The following CD164 variants were observed in gnomAD, a reference collection of about 807,000 sequenced individuals.
The protein encoded by CD164 is CD164 molecule.
Under a neutral mutation model 24.6 loss-of-function variants are expected in CD164, and 11 were observed. The observed-to-expected ratio is 0.45, with a 90% CI of 0.28 to 0.74. The LOEUF (loss-of-function observed/expected upper bound fraction) is 0.74. CD164 is among the 30% of genes least tolerant of loss of function. CD164 has a pLI of 0.13. For synonymous variants in CD164, 126 were observed against 100.3 expected, an observed-to-expected ratio of 1.26 and a Z score of -1.53; for missense variants, 295 against 243.7, an observed-to-expected ratio of 1.21 and a Z score of -1.40.
chr6:109,378,187 C>T (rs1282384696), intron 2 of CD164, among the ~76,000 whole-genome samples: 7 of 152,200 alleles, frequency 4.6e-5, no homozygotes, highest in Non-Finnish European at 1.0e-4. Flanking sequence ...ATCCTTCTAA[C>T]TTTTATCCAT....
chr6:109,378,756 C>A (rs1432703318), intron 2 of CD164, among the ~76,000 whole-genome samples: 2 of 151,910 alleles, frequency 1.3e-5, no homozygotes, highest in Admixed American at 1.3e-4. Context: ...AGAGACACTT[C>A]TATAACAAAA....
intron 1 of CD164, among the ~76,000 whole-genome samples, chr6:109,380,859 T>C (rs574616377): frequency 6.6e-6 from 1 of 152,364 alleles, no homozygotes; most frequent in South Asian, 2.1e-4. Context: ...GACAAACATA[T>C]TCTGCTCTAT....
rs1277732852 is a variant in CD164, at chr6:109,367,812, T to C, written c.*1039A>G. 1 of 152,728 alleles carries C rather than the reference T, an allele frequency of 6.5e-6. No individual in the cohort carries two copies. The highest frequency in any genetic ancestry group is 2.4e-5 in the African/African-American group (1 of 41,468). 9.5% of individuals were successfully genotyped at this position (152,728 alleles called of 1,614,324 possible). ...AATAGTAAATGATTCTAAAATAATG[T>C]ATATCCTTCTTGCCTCACCAAAGAA... is the stretch of plus-strand genomic sequence containing the variant. On this transcript the variant is annotated 3_prime_UTR_variant, in exon 6 of 6. Transcript: ENST00000310786.
chr6:109,367,120 T>A lies in CD164; in HGVS notation c.*1731A>T, dbSNP rs1770802874. The A allele has an allele frequency of 6.6e-6, 1 of 152,574 alleles. No homozygotes were observed. Among genetic ancestry groups the A allele is most frequent in the African/African-American group, 2.4e-5 (1 of 41,428 alleles). 9.5% of individuals were successfully genotyped at this position (152,574 alleles called of 1,614,324 possible). ...TTTTGTGAGGTACCTAGAATATTAC[T>A]AATGGAAACAAAAAATGTGAGGTAA... On this transcript the variant is annotated 3_prime_UTR_variant, in exon 6 of 6. Coordinates refer to ENST00000310786, the MANE Select transcript of CD164 (RefSeq NM_006016.6).
At chr6:109,373,574 T>A (rs985530453) in intron 4 of CD164, among the ~76,000 whole-genome samples, 20 of 152,204 alleles carry the variant, frequency 1.3e-4, no homozygotes, top group African/African-American at 4.8e-4. Flanking sequence ...TGGAGAAAGC[T>A]GCAGAGAACT....
chr6:109,376,061 C>T lies in CD164; in HGVS notation c.370+13G>A. On this transcript the variant is annotated intron_variant, in intron 4 of 5. Transcript: ENST00000310786. Reference sequence around the variant, plus strand: ...ACTGAAGGAAAAGGAAGAAAACAGTCATCTTGAATTACCTGTAGAATTGGC... The same window carrying T: ...ACTGAAGGAAAAGGAAGAAAACAGTTATCTTGAATTACCTGTAGAATTGGC... The T allele has an allele frequency of 6.4e-7, 1 of 1,560,390 alleles. No homozygotes were observed. The highest frequency in any genetic ancestry group is 8.6e-7 in the Non-Finnish European group (1 of 1,160,984).
intron 4 of CD164, among the ~76,000 whole-genome samples, chr6:109,375,677 T>G (rs143489787): frequency 6.7e-6 from 1 of 149,944 alleles, no homozygotes; most frequent in African/African-American, 2.5e-5. Context: ...TATCGTACAA[T>G]TTCATAAAAA....
chr6:109,377,801 G>A (rs1314478354), intron 3 of CD164, 99 bp downstream of exon 3: 1 of 799,916 alleles, frequency 1.3e-6, no homozygotes, highest in East Asian at 2.4e-5. Context: ...GAGAATTATG[G>A]CAATGCTTCA....
intron 3 of CD164, 151 bp from the exon 4 acceptor site, chr6:109,376,263 G>A (rs995686943): frequency 4.9e-5 from 26 of 528,410 alleles, no homozygotes; most frequent in South Asian, 3.0e-5. Flanking sequence ...ACTGACAGTT[G>A]CCCCCAAATA....
intron 3 of CD164, among the ~76,000 whole-genome samples, chr6:109,377,426 T>C (rs545292908): frequency 2.8e-4 from 42 of 152,218 alleles, no homozygotes; most frequent in Non-Finnish European, 4.0e-4. Flanking sequence ...GCTGGACGAA[T>C]AGTAAAGGTT....
intron 5 of CD164, among the ~76,000 whole-genome samples, chr6:109,369,545 AGTAAT>A (rs67591932): frequency 0.31 from 46,407 of 151,876 alleles, 7,200 homozygotes; most frequent in Middle Eastern, 0.42. Context: ...AGTATTATCA[AGTAAT>A]AAGGAAAAAA....
intron 4 of CD164, among the ~76,000 whole-genome samples, chr6:109,375,487 G>C (rs915913221): frequency 6.6e-6 from 1 of 151,852 alleles, no homozygotes; most frequent in Non-Finnish European, 1.5e-5. Flanking sequence ...CATGATGGCA[G>C]GTGCCTGTAA....
At chr6:109,374,596 G>C (rs565321857) in intron 4 of CD164, among the ~76,000 whole-genome samples, 30 of 152,300 alleles carry the variant, frequency 2.0e-4, no homozygotes, top group African/African-American at 7.0e-4. Context: ...ATGCAAGTCT[G>C]ATCATATGAC....
In CD164 at chr6:109,382,425, C is replaced by A. The variant is rs753447502; in HGVS notation, c.-47G>T. ...CGGGAGAAAGCTAAGGCTCGCAACGCTCAGTCAACCCCTCAATCCCCTGCG... is the reference window on the plus strand; with the variant it reads ...CGGGAGAAAGCTAAGGCTCGCAACGATCAGTCAACCCCTCAATCCCCTGCG... On this transcript the variant is annotated 5_prime_UTR_variant, in exon 1 of 6. Coordinates refer to ENST00000310786, the MANE Select transcript of CD164 (RefSeq NM_006016.6). The A allele has an allele frequency of 2.1e-6, 3 of 1,458,054 alleles. No homozygotes were observed. Among genetic ancestry groups the A allele is most frequent in the South Asian group, 1.3e-5 (1 of 75,442 alleles). 90.3% of individuals were successfully genotyped at this position (1,458,054 alleles called of 1,614,324 possible). A position where few individuals can be genotyped will look rare whatever the true frequency, so the allele number is the denominator to read the frequency against.
intron 4 of CD164, chr6:109,371,700 G>C (rs541278564): frequency 6.5e-6 from 1 of 153,838 alleles, no homozygotes; most frequent in African/African-American, 2.4e-5. Flanking sequence ...AAGTTTGCTG[G>C]AGCATTTGAG....
At chr6:109,381,995 G>T in intron 1 of CD164, 1 of 391,126 alleles carries the variant, frequency 2.6e-6, no homozygotes, top group Non-Finnish European at 4.4e-6. Context: ...TGGGAACCGC[G>T]CGTCCGCTTC....
At chr6:109,371,455 G>A (rs1366344141) in intron 4 of CD164, 1 of 153,754 alleles carries the variant, frequency 6.5e-6, no homozygotes, top group African/African-American at 2.4e-5. Flanking sequence ...TCACCATGTT[G>A]ACCAGGCTCA....
At position 109,382,452 on chromosome 6, in the gene CD164, C is replaced by G. The variant is rs183043432; in HGVS notation, c.-74G>C. On this transcript the variant is annotated 5_prime_UTR_variant, in exon 1 of 6. Coordinates refer to ENST00000310786, the MANE Select transcript of CD164 (RefSeq NM_006016.6). ...CAGTCAACCCCTCAATCCCCTGCGG[C>G]GCCGCCTCCGAGACTACGCTCCCCC... 1.6e-4 allele frequency: 209 copies of G among 1,343,554 alleles called. No individual in the cohort carries two copies. Among genetic ancestry groups the G allele is most frequent in the Admixed American group, 3.5e-4 (12 of 34,524 alleles). 83.2% of individuals were successfully genotyped at this position (1,343,554 alleles called of 1,614,324 possible).
intron 4 of CD164, chr6:109,370,688 A>G: frequency 2.2e-6 from 1 of 455,450 alleles, no homozygotes; most frequent in South Asian, 2.3e-5. Flanking sequence ...AATTGTTAAT[A>G]TCTATGTATC....
Sources: gnomAD v4.1 joint callset for allele counts (sites outside exome capture counted in the v4.1 genomes callset) on GRCh38, gnomAD v4.1.1 for gene constraint, MANE v1.5 for transcripts, NCBI Gene and HGNC (gene_info 2026-07-23, HGNC 2026-07-21) for gene names.